The following RNF150 variants were observed in gnomAD, a reference collection of about 807,000 sequenced individuals.
RNF150 encodes the protein ring finger protein 150.
In RNF150, 24 loss-of-function variants were observed where a neutral mutation model predicts 39.3. The observed-to-expected ratio is 0.61, with a 90% CI of 0.44 to 0.86. The LOEUF (loss-of-function observed/expected upper bound fraction) is 0.86. Ranked by LOEUF, RNF150 falls within the 40% of genes least tolerant of loss-of-function variation. The pLI is 0.00. For synonymous variants in RNF150, 255 were observed against 227.3 expected (o/e 1.12, Z -1.10); for missense variants, 502 against 587.8 (o/e 0.85, Z 1.51).
intron 1 of RNF150, among the ~76,000 whole-genome samples, chr4:140,987,915 A>G (rs991101038): frequency 2.6e-5 from 4 of 152,294 alleles, no homozygotes; most frequent in African/African-American, 7.2e-5. Context: ...TTGAACAAGC[A>G]AAAAACAATC....
At chr4:141,131,355 G>A (rs1726887672) in intron 1 of RNF150, among the ~76,000 whole-genome samples, 1 of 152,258 alleles carries the variant, frequency 6.6e-6, no homozygotes, top group South Asian at 2.1e-4. Context: ...TGGGGAAGGA[G>A]GGCCCACTTC....
intron 1 of RNF150, among the ~76,000 whole-genome samples, chr4:141,123,040 T>A (rs1726656693): frequency 6.6e-6 from 1 of 152,224 alleles, no homozygotes; most frequent in South Asian, 2.1e-4. Flanking sequence ...TGCCACATGC[T>A]ACAAGATGAA....
At position 141,082,723 on chromosome 4, in the gene RNF150, G is replaced by A. The variant is rs994689101; in HGVS notation, c.484+49602C>T. 2.6e-5 allele frequency among the ~76,000 whole-genome samples: 4 copies of A among 151,234 alleles called. No individual in the cohort carries two copies. In the South Asian group the frequency reaches 6.3e-4, roughly 24 times the overall value. ...CCTGCCTCAGCCTCCCGAGTAGCTG[G>A]GACTACAGGCGCCCGCCACTACGCC... On this transcript the variant is annotated intron_variant, in intron 1 of 6. Transcript: ENST00000515673.
intron 1 of RNF150, among the ~76,000 whole-genome samples, chr4:141,073,243 G>A (rs1354033759): frequency 2.0e-5 from 3 of 152,104 alleles, no homozygotes; most frequent in African/African-American, 7.2e-5. Context: ...TTCTGCGAAG[G>A]GTCAAGGAAA....
intron 1 of RNF150, among the ~76,000 whole-genome samples, chr4:141,104,525 C>G (rs1220818514): frequency 2.0e-5 from 3 of 152,022 alleles, no homozygotes; most frequent in African/African-American, 7.2e-5. Context: ...CCTTTGCATC[C>G]CTTTAAACAT....
At chr4:141,169,585 A>G (rs1037500151) in intron 1 of RNF150, among the ~76,000 whole-genome samples, 16 of 152,300 alleles carry the variant, frequency 1.1e-4, no homozygotes, top group African/African-American at 3.8e-4. Context: ...ATCACAATAA[A>G]AAGTTAATTT....
At chr4:141,059,269 T>C (rs1468927760) in intron 1 of RNF150, among the ~76,000 whole-genome samples, 4 of 152,166 alleles carry the variant, frequency 2.6e-5, no homozygotes, top group Admixed American at 2.6e-4. Flanking sequence ...AATCGCTATG[T>C]CTGCTTGACT....
intron 1 of RNF150, among the ~76,000 whole-genome samples, chr4:141,003,489 CG>C: frequency 6.6e-6 from 1 of 151,780 alleles, no homozygotes; most frequent in East Asian, 1.9e-4. Flanking sequence ...TGCTCTCTTA[CG>C]TTTCCCACTG....
At chr4:141,164,580 A>T (rs1317900324) in intron 1 of RNF150, among the ~76,000 whole-genome samples, 2 of 152,226 alleles carry the variant, frequency 1.3e-5, no homozygotes, top group African/African-American at 4.8e-5. Flanking sequence ...CACAAAAGGA[A>T]GCCCATCAGA....
chr4:140,950,569 C>A (rs1277901461), intron 2 of RNF150, among the ~76,000 whole-genome samples: 1 of 152,156 alleles, frequency 6.6e-6, no homozygotes, highest in Non-Finnish European at 1.5e-5. Context: ...AGCTCATCTA[C>A]CACCCTCACC....
intron 1 of RNF150, among the ~76,000 whole-genome samples, chr4:140,994,656 A>T (rs1277246649): frequency 6.6e-6 from 1 of 152,190 alleles, no homozygotes; most frequent in Non-Finnish European, 1.5e-5. Context: ...GCTATAACAA[A>T]ATGAAAAAAG....
At chr4:140,991,856 T>C (rs1391909815) in intron 1 of RNF150, among the ~76,000 whole-genome samples, 2 of 152,150 alleles carry the variant, frequency 1.3e-5, no homozygotes, top group Non-Finnish European at 2.9e-5. Context: ...TTATATAAAA[T>C]GTGAAAAGAC....
At chr4:140,921,427 G>C (rs915436557) in intron 5 of RNF150, among the ~76,000 whole-genome samples, 1 of 152,082 alleles carries the variant, frequency 6.6e-6, no homozygotes, top group Non-Finnish European at 1.5e-5. Context: ...GGAAGAAGTT[G>C]AATCTCTGAA....
At chr4:140,921,906 C>CA (rs1466329448) in intron 5 of RNF150, among the ~76,000 whole-genome samples, 1 of 151,828 alleles carries the variant, frequency 6.6e-6, no homozygotes, top group Non-Finnish European at 1.5e-5. Context: ...AGGCCTTTGA[C>CA]AAAATTCAAC....
At chr4:140,983,737 G>T (rs1009788473) in intron 1 of RNF150, among the ~76,000 whole-genome samples, 1 of 146,004 alleles carries the variant, frequency 6.8e-6, no homozygotes, top group Non-Finnish European at 1.5e-5. Flanking sequence ...TTGTATAACT[G>T]CCTTTTTTTT....
intron 6 of RNF150, among the ~76,000 whole-genome samples, chr4:140,899,944 T>TCTCTCTCTCTCTCTCTCTC (rs1730114654): frequency 9.1e-6 from 1 of 110,022 alleles, no homozygotes; most frequent in African/African-American, 3.6e-5. Context: ...CTCTCTCACT[T>TCTCTCTCTCTCTCTCTCTC]TCTCTCTCTC....
rs1728521351 is a variant in RNF150 at position 140,862,295 on chromosome 4, G to A, written c.*5966C>T. On this transcript the variant is annotated 3_prime_UTR_variant, in exon 7 of 7. Transcript: ENST00000515673. ...AGCAAATATTTATCAGGTGGCCACA[G>A]AGCAAATGGCTCTGTATTAAGTGCA... 1 of 152,200 alleles carries A rather than the reference G, an allele frequency of 6.6e-6. No individual in the cohort carries two copies. Among genetic ancestry groups the A allele is most frequent in the South Asian group, 2.1e-4 (1 of 4,836 alleles). The allele number at this position is 152,200 out of a possible 1,614,324, so 9.4% of individuals were successfully genotyped here.
chr4:140,883,659 A>T (rs897726835), intron 6 of RNF150, among the ~76,000 whole-genome samples: 2 of 152,120 alleles, frequency 1.3e-5, no homozygotes, highest in African/African-American at 4.8e-5. Context: ...ATCATATGTA[A>T]GCTCCCTTGT....
chr4:141,053,806 C>T (rs2110898313), intron 1 of RNF150: 1 of 679,208 alleles, frequency 1.5e-6, no homozygotes, highest in Admixed American at 4.2e-5. Flanking sequence ...AAAGCTATCC[C>T]TTCAAAATGC....
Sources: allele counts gnomAD v4.1 joint callset (sites outside exome capture counted in the v4.1 genomes callset), GRCh38; gene constraint gnomAD v4.1.1; transcripts MANE v1.5; gene names NCBI Gene and HGNC (gene_info 2026-07-23, HGNC 2026-07-21).